The following PRKG1 variants were observed in gnomAD, a reference collection of about 807,000 sequenced individuals.
The protein encoded by PRKG1 is cGMP-dependent protein kinase 1.
A neutral mutation model predicts 88.1 loss-of-function variants in PRKG1; 35 were observed. That is an observed-to-expected ratio of 0.40 (90% CI 0.30 to 0.53). The LOEUF (loss-of-function observed/expected upper bound fraction) is 0.53, where lower values mean the gene tolerates loss of function less well. PRKG1 is among the 20% of genes least tolerant of loss of function. The probability of loss-of-function intolerance (pLI) is 0.59; values close to 1 mark genes in which losing one functional copy is unlikely to be tolerated. For missense variants in PRKG1, 540 were observed against 839.8 expected (o/e 0.64, Z 4.41); for synonymous variants, 303 against 292.5 (o/e 1.04, Z -0.37).
At chr10:51,889,711 C>T (rs1422971220) in intron 4 of PRKG1, among the ~76,000 whole-genome samples, 2 of 152,290 alleles carry the variant, frequency 1.3e-5, no homozygotes, top group East Asian at 1.9e-4. Flanking sequence ...ACATCCTCTC[C>T]AGCACCTGTT....
At chr10:51,186,079 T>C (rs1837478363) in intron 2 of PRKG1, among the ~76,000 whole-genome samples, 1 of 151,994 alleles carries the variant, frequency 6.6e-6, no homozygotes, top group South Asian at 2.1e-4. Flanking sequence ...GAATAAATCT[T>C]TTTGTATCTT....
intron 1 of PRKG1, among the ~76,000 whole-genome samples, chr10:51,029,435 G>T (rs1420195025): frequency 2.0e-5 from 3 of 152,106 alleles, no homozygotes; most frequent in Non-Finnish European, 4.4e-5. Flanking sequence ...TCATTAGCCT[G>T]TAACTATTTT....
intron 2 of PRKG1, among the ~76,000 whole-genome samples, chr10:51,178,698 G>A (rs1165184240): frequency 6.6e-6 from 1 of 151,998 alleles, no homozygotes; most frequent in Non-Finnish European, 1.5e-5. Context: ...TTTTCAACAT[G>A]TTTATACTGT....
At chr10:51,034,010 A>T (rs900771708) in intron 1 of PRKG1, among the ~76,000 whole-genome samples, 6 of 152,196 alleles carry the variant, frequency 3.9e-5, no homozygotes, top group Non-Finnish European at 7.3e-5. Context: ...AGAGACAATG[A>T]GATGCCTCTA....
intron 4 of PRKG1, among the ~76,000 whole-genome samples, 161 bp downstream of exon 4, chr10:51,804,851 T>G (rs1839264762): frequency 6.6e-6 from 1 of 151,998 alleles, no homozygotes; most frequent in Non-Finnish European, 1.5e-5. Flanking sequence ...CTTCTTTATA[T>G]TTCTGGTGAT....
At chr10:51,796,383 A>G (rs1276421188) in intron 3 of PRKG1, among the ~76,000 whole-genome samples, 2 of 152,162 alleles carry the variant, frequency 1.3e-5, no homozygotes, top group African/African-American at 4.8e-5. Context: ...AACATGTAAT[A>G]AATGTAAAAT....
intron 2 of PRKG1, among the ~76,000 whole-genome samples, chr10:51,358,228 A>C (rs1189305): frequency 0.048 from 7,323 of 151,936 alleles, 603 homozygotes; most frequent in African/African-American, 0.17. Context: ...TGCTGTTGGC[A>C]GAGGGTCTCA....
intron 9 of PRKG1, among the ~76,000 whole-genome samples, chr10:52,203,510 T>C (rs1839730877): frequency 6.6e-6 from 1 of 152,182 alleles, no homozygotes; most frequent in Non-Finnish European, 1.5e-5. Flanking sequence ...GGTGAAGTGT[T>C]CTATAGGTAG....
chr10:51,011,845 T>TA (rs1467515470), intron 1 of PRKG1, among the ~76,000 whole-genome samples: 2 of 152,162 alleles, frequency 1.3e-5, no homozygotes, highest in African/African-American at 4.8e-5. Flanking sequence ...TAAAGACGTA[T>TA]TGGAGATTGG....
At chr10:51,427,338 T>A (rs1358604291) in intron 2 of PRKG1, among the ~76,000 whole-genome samples, 1 of 152,090 alleles carries the variant, frequency 6.6e-6, no homozygotes, top group Non-Finnish European at 1.5e-5. Flanking sequence ...ATTTTGAAAT[T>A]GTGGAGACTT....
intron 3 of PRKG1, among the ~76,000 whole-genome samples, chr10:51,616,181 G>C (rs2132253383): frequency 6.6e-6 from 1 of 152,232 alleles, no homozygotes; most frequent in East Asian, 1.9e-4. Flanking sequence ...GGACTGGCCT[G>C]CAGGCCCCAC....
chr10:51,213,768 G>A (rs577825723), intron 2 of PRKG1, among the ~76,000 whole-genome samples: 4 of 152,272 alleles, frequency 2.6e-5, no homozygotes, highest in Admixed American at 2.0e-4. Flanking sequence ...GTGTGTGGGT[G>A]TGTGTGTTTA....
At chr10:52,291,050 G>A (rs1842229477) in intron 17 of PRKG1, among the ~76,000 whole-genome samples, 1 of 151,002 alleles carries the variant, frequency 6.6e-6, no homozygotes, top group African/African-American at 2.4e-5. Context: ...AGTCTCCTGA[G>A]TAGCTGGGAT....
chr10:51,023,092 A>G (rs1843161717), intron 1 of PRKG1, among the ~76,000 whole-genome samples: 1 of 152,240 alleles, frequency 6.6e-6, no homozygotes, highest in Non-Finnish European at 1.5e-5. Context: ...AGGCCATTTG[A>G]CAGAAGAGAA....
intron 6 of PRKG1, among the ~76,000 whole-genome samples, chr10:52,056,718 A>G (rs1446596779): frequency 2.0e-5 from 3 of 152,146 alleles, no homozygotes; most frequent in African/African-American, 7.2e-5. Flanking sequence ...GTTAGCTGCT[A>G]TGATTCTTAG....
chr10:51,256,307 G>A (rs1839558426), intron 2 of PRKG1, among the ~76,000 whole-genome samples: 1 of 151,812 alleles, frequency 6.6e-6, no homozygotes, highest in South Asian at 2.1e-4. Flanking sequence ...CTTTTTTTTA[G>A]TACTCAACAA....
intron 2 of PRKG1, among the ~76,000 whole-genome samples, chr10:51,238,302 C>T (rs1219513082): frequency 6.6e-6 from 1 of 152,066 alleles, no homozygotes; most frequent in Non-Finnish European, 1.5e-5. Context: ...AAGTATTGGC[C>T]CGGCGAGATG....
chr10:52,082,230 T>G (rs1292625300), intron 7 of PRKG1, among the ~76,000 whole-genome samples: 1 of 152,096 alleles, frequency 6.6e-6, no homozygotes, highest in Admixed American at 6.6e-5. Flanking sequence ...TTACCTCCCA[T>G]TGGGTCCCTC....
chr10:51,705,900 G>C (rs1454082939), intron 3 of PRKG1, among the ~76,000 whole-genome samples: 2 of 152,156 alleles, frequency 1.3e-5, no homozygotes, highest in African/African-American at 4.8e-5. Flanking sequence ...CCTGAAAGCA[G>C]GTCTCCTGAA....
Sources: allele counts gnomAD v4.1 joint callset (sites outside exome capture counted in the v4.1 genomes callset), GRCh38; gene constraint gnomAD v4.1.1; transcripts MANE v1.5; gene names NCBI Gene and HGNC (gene_info 2026-07-23, HGNC 2026-07-21).